SORBS2: variants seen among roughly 807,000 people sequenced by gnomAD.
SORBS2 encodes the protein sorbin and SH3 domain-containing protein 2.
A neutral mutation model predicts 97.7 loss-of-function variants in SORBS2; 46 were observed. That is an observed-to-expected ratio of 0.47 (90% CI 0.37 to 0.60). The LOEUF is 0.60. Among genes scored for constraint, SORBS2 ranks in the 20% least tolerant of loss-of-function variants. The pLI is 0.00. For missense variants in SORBS2, 1,316 were observed against 1,282.3 expected, an observed-to-expected ratio of 1.03 and a Z score of -0.40; for synonymous variants, 476 against 473.4, an observed-to-expected ratio of 1.01 and a Z score of -0.07.
chr4:185,882,579 G>A (rs565052327), intron 1 of SORBS2, among the ~76,000 whole-genome samples: 23 of 152,084 alleles, frequency 1.5e-4, no homozygotes, highest in Middle Eastern at 3.4e-3. Flanking sequence ...TGTAAATATC[G>A]GCAAGTTGAT....
chr4:185,776,637 C>G (rs1196165339), intron 1 of SORBS2, among the ~76,000 whole-genome samples: 1 of 151,952 alleles, frequency 6.6e-6, no homozygotes, highest in Non-Finnish European at 1.5e-5. Flanking sequence ...GCCGGTGGCT[C>G]AGGCCCGTAA....
chr4:185,677,220 TC>T, intron 4 of SORBS2: 1 of 1,551,670 alleles, frequency 6.4e-7, no homozygotes, highest in Non-Finnish European at 8.7e-7. Flanking sequence ...TGACGGTACT[TC>T]GACAGATTTG....
intron 1 of SORBS2, among the ~76,000 whole-genome samples, chr4:185,902,586 T>A (rs527713134): frequency 6.6e-6 from 1 of 151,872 alleles, no homozygotes; most frequent in South Asian, 2.1e-4. Context: ...GAAGACTAAC[T>A]TCAATAATTG....
chr4:185,803,110 C>T (rs2099138231), intron 1 of SORBS2, among the ~76,000 whole-genome samples: 1 of 152,186 alleles, frequency 6.6e-6, no homozygotes, highest in African/African-American at 2.4e-5. Flanking sequence ...TATCCTTACG[C>T]TCCTGTTCTC....
chr4:185,692,347 G>T (rs1430704645), intron 2 of SORBS2, among the ~76,000 whole-genome samples: 3 of 152,196 alleles, frequency 2.0e-5, no homozygotes, highest in Non-Finnish European at 2.9e-5. Context: ...CCTTTTGGAT[G>T]AATGAGGATA....
intron 1 of SORBS2, chr4:185,918,324 C>T (rs1378594632): frequency 6.6e-6 from 1 of 152,136 alleles, no homozygotes; most frequent in Non-Finnish European, 1.5e-5. Flanking sequence ...TTCATGGTTA[C>T]AGAGCTGGAG....
chr4:185,620,190 C>T (rs1237175222), intron 7 of SORBS2, 39 bp from the exon 20 acceptor site: 5 of 1,346,006 alleles, frequency 3.7e-6, no homozygotes, highest in African/African-American at 1.4e-5. Context: ...TGAGTATCCA[C>T]TTAATTACAA....
chr4:185,854,966 TAC>T (rs2099219984), intron 1 of SORBS2, among the ~76,000 whole-genome samples: 1 of 152,224 alleles, frequency 6.6e-6, no homozygotes, highest in Non-Finnish European at 1.5e-5. Context: ...GCATTTTATA[TAC>T]ACACATTTAT....
At chr4:185,933,521 G>A (rs763046043) in intron 1 of SORBS2, among the ~76,000 whole-genome samples, 12 of 152,074 alleles carry the variant, frequency 7.9e-5, no homozygotes, top group Admixed American at 1.3e-4. Context: ...GAGGCTGTGC[G>A]GGAGAGTCTG....
intron 1 of SORBS2, among the ~76,000 whole-genome samples, chr4:185,932,529 AAC>A (rs1261571518): frequency 6.6e-6 from 1 of 152,150 alleles, no homozygotes; most frequent in Non-Finnish European, 1.5e-5. Flanking sequence ...ATACCAAATC[AAC>A]ACCTCACCAT....
intron 4 of SORBS2, chr4:185,665,795 T>TG (rs2097586272): frequency 9.1e-7 from 1 of 1,096,416 alleles, no homozygotes; most frequent in African/African-American, 1.6e-5. Flanking sequence ...TGACCCCAGG[T>TG]GGGGGAGGGT....
At chr4:185,913,399 C>T (rs1353718090) in intron 1 of SORBS2, among the ~76,000 whole-genome samples, 1 of 152,162 alleles carries the variant, frequency 6.6e-6, no homozygotes, top group Admixed American at 6.5e-5. Flanking sequence ...TTAGGTTGAC[C>T]TGACAGACCA....
At chr4:185,803,087 TC>T (rs1165758193) in intron 1 of SORBS2, among the ~76,000 whole-genome samples, 2 of 152,068 alleles carry the variant, frequency 1.3e-5, no homozygotes, top group Non-Finnish European at 2.9e-5. Flanking sequence ...AGGGCCAGAG[TC>T]CTTCTGGGTC....
chr4:185,611,996 G>A lies in SORBS2; in HGVS notation c.2596-16C>T, dbSNP rs1158730040. 7.0e-7 allele frequency: 1 copy of A among 1,426,604 alleles called. No homozygotes were observed. The allele number at this position is 1,426,604 out of a possible 1,614,324, so 88.4% of individuals were successfully genotyped here. A position where few individuals can be genotyped will look rare whatever the true frequency, so the allele number is the denominator to read the frequency against. On this transcript the variant is annotated splice_polypyrimidine_tract_variant and intron_variant, in intron 11 of 14. Transcript: ENST00000418609. The stretch of plus-strand genomic sequence containing the variant: ...CTCTATCTCCCTGTTATGAATATGA[G>A]AAAAATGCATTAGAAACAGAGATAG...
chr4:185,718,024 A>T (rs770626962), intron 2 of SORBS2, among the ~76,000 whole-genome samples: 41 of 152,332 alleles, frequency 2.7e-4, no homozygotes, highest in Admixed American at 1.5e-3. Flanking sequence ...TGAGGTCAGG[A>T]GTTCCAGAAC....
intron 14 of SORBS2, chr4:185,587,945 C>T: frequency 2.5e-6 from 1 of 404,042 alleles, no homozygotes; most frequent in East Asian, 4.7e-5. Flanking sequence ...GCTGAGCCTC[C>T]CAAGCTAAAG....
chr4:185,751,740 T>C (rs1334584048), intron 2 of SORBS2, among the ~76,000 whole-genome samples: 1 of 152,120 alleles, frequency 6.6e-6, no homozygotes, highest in Non-Finnish European at 1.5e-5. Context: ...GAAAGATGCC[T>C]GACATTCCAC....
intron 1 of SORBS2, among the ~76,000 whole-genome samples, chr4:185,824,871 A>G (rs1561208177): frequency 6.6e-6 from 1 of 151,940 alleles, no homozygotes; most frequent in African/African-American, 2.4e-5. Flanking sequence ...CCCAACCCAC[A>G]CTCTCATGCC....
exon 7 of SORBS2, chr4:185,624,489 C>T: frequency 6.2e-7 from 1 of 1,600,996 alleles, no homozygotes; most frequent in South Asian, 1.1e-5. Context: ...TTGCTATCAT[C>T]CCCACCTTTT....
Sources: gnomAD v4.1 joint callset for allele counts (sites outside exome capture counted in the v4.1 genomes callset) on GRCh38, gnomAD v4.1.1 for gene constraint, MANE v1.5 for transcripts, NCBI Gene and HGNC (gene_info 2026-07-23, HGNC 2026-07-21) for gene names.